ZNF407: variants seen among roughly 807,000 people sequenced by gnomAD.
ZNF407 encodes zinc finger protein 407.
Under a neutral mutation model 131.2 loss-of-function variants are expected in ZNF407, and 17 were observed. The ratio of observed to expected loss-of-function variants is 0.13; its 90% CI spans 0.09 to 0.19. ZNF407 has a LOEUF of 0.19. Among genes scored for constraint, ZNF407 ranks in the 10% least tolerant of loss-of-function variants. The pLI, the probability that ZNF407 is intolerant of heterozygous loss-of-function variation, is 1.00. For missense variants in ZNF407, 2,681 were observed against 2,830.6 expected (o/e 0.95, Z 1.20); for synonymous variants, 1,156 against 1,062.0 (o/e 1.09, Z -1.72).
At chr18:74,919,761 G>T (rs187966047) in intron 7 of ZNF407, among the ~76,000 whole-genome samples, 1 of 152,218 alleles carries the variant, frequency 6.6e-6, no homozygotes, top group South Asian at 2.1e-4. Context: ...ATCTGACAGG[G>T]ATGAAAGAGC....
chr18:74,984,212 G>C (rs1338056071), intron 8 of ZNF407, among the ~76,000 whole-genome samples: 1 of 152,112 alleles, frequency 6.6e-6, no homozygotes, highest in African/African-American at 2.4e-5. Flanking sequence ...GCCACTCCCA[G>C]CGAGCCTCGC....
intron 8 of ZNF407, among the ~76,000 whole-genome samples, chr18:74,967,664 C>T (rs541953628): frequency 2.6e-5 from 4 of 152,302 alleles, no homozygotes; most frequent in African/African-American, 9.6e-5. Context: ...TAACTCTCAC[C>T]TAATTTAACT....
At chr18:74,737,953 G>A (rs1968455749) in intron 3 of ZNF407, among the ~76,000 whole-genome samples, 1 of 152,076 alleles carries the variant, frequency 6.6e-6, no homozygotes, top group African/African-American at 2.4e-5. Flanking sequence ...AAAACATGAA[G>A]TTTATTTTAA....
intron 3 of ZNF407, among the ~76,000 whole-genome samples, chr18:74,658,501 C>T (rs1226844489): frequency 6.6e-6 from 1 of 152,188 alleles, no homozygotes; most frequent in East Asian, 1.9e-4. Context: ...GCAAATTTTA[C>T]AGGTTTAATG....
At position 74,817,358 on chromosome 18, in the gene ZNF407, G is replaced by A. The variant is rs116445537; in HGVS notation, c.4877+35856G>A. Among the ~76,000 whole-genome samples, 493 of 152,208 alleles carry A rather than the reference G, an allele frequency of 3.2e-3. 6 individuals carry two copies. Among genetic ancestry groups the A allele is most frequent in the African/African-American group, 0.011 (463 of 41,526 alleles). Reference sequence around the variant, plus strand: ...ATAATTACAATGTCTTTCTATCATAGTTCCTCTTGCTGAGATAAAGTTTAT... The same window carrying A: ...ATAATTACAATGTCTTTCTATCATAATTCCTCTTGCTGAGATAAAGTTTAT... On this transcript the variant is annotated intron_variant, in intron 4 of 8. Transcript: ENST00000299687.
At chr18:75,010,122 G>T (rs1972956535) in intron 8 of ZNF407, among the ~76,000 whole-genome samples, 1 of 152,184 alleles carries the variant, frequency 6.6e-6, no homozygotes, top group East Asian at 1.9e-4. Flanking sequence ...AATCACGCTA[G>T]TAGTCATCCA....
At chr18:74,616,513 A>C (rs2144629633) in intron 1 of ZNF407, among the ~76,000 whole-genome samples, 1 of 151,912 alleles carries the variant, frequency 6.6e-6, no homozygotes, top group African/African-American at 2.4e-5. Flanking sequence ...TGTAAGTCAC[A>C]TGTACAAAAC....
chr18:74,979,457 A>G (rs1039415050), intron 8 of ZNF407, among the ~76,000 whole-genome samples: 15 of 152,052 alleles, frequency 9.9e-5, no homozygotes, highest in Non-Finnish European at 1.8e-4. Flanking sequence ...ACGCCTGACT[A>G]ATTTTTGTAT....
intron 8 of ZNF407, among the ~76,000 whole-genome samples, chr18:75,019,963 C>A (rs1260903129): frequency 1.3e-5 from 2 of 152,132 alleles, no homozygotes; most frequent in East Asian, 3.9e-4. Context: ...CCTCCCCCAA[C>A]ATTGGGAATT....
chr18:74,664,244 A>G (rs1231111768), intron 3 of ZNF407, among the ~76,000 whole-genome samples: 3 of 152,216 alleles, frequency 2.0e-5, no homozygotes, highest in Non-Finnish European at 4.4e-5. Flanking sequence ...GCTCATGCCT[A>G]TAATCAGCAC....
intron 8 of ZNF407, among the ~76,000 whole-genome samples, chr18:75,059,053 G>C (rs2122284804): frequency 6.6e-6 from 1 of 152,348 alleles, no homozygotes; most frequent in South Asian, 2.1e-4. Flanking sequence ...CGCTGGGCCT[G>C]TGCGTGTGCG....
At position 74,964,391 on chromosome 18, in the gene ZNF407, G is replaced by A. The variant is rs1051099934; in HGVS notation, c.5428+43699G>A. Among the ~76,000 whole-genome samples, 43 of 152,248 alleles carry A rather than the reference G, an allele frequency of 2.8e-4. 1 individual carries two copies. Among genetic ancestry groups the A allele is most frequent in the African/African-American group, 8.7e-4 (36 of 41,546 alleles). On this transcript the variant is annotated intron_variant, in intron 8 of 8. Coordinates refer to ENST00000299687, the MANE Select transcript of ZNF407 (RefSeq NM_017757.3). ...GCCCTCTCAGGATTTGGGGTGGTTG[G>A]CAATAAAATCACTAAGCAAATGAAT...
intron 3 of ZNF407, among the ~76,000 whole-genome samples, chr18:74,665,711 G>A (rs909459213): frequency 6.6e-6 from 1 of 152,090 alleles, no homozygotes; most frequent in Admixed American, 6.5e-5. Context: ...AAAATAAACT[G>A]ACACCTGTGT....
intron 8 of ZNF407, among the ~76,000 whole-genome samples, chr18:75,011,070 G>A (rs948311683): frequency 6.6e-6 from 1 of 152,040 alleles, no homozygotes; most frequent in Admixed American, 6.6e-5. Flanking sequence ...GGAATTAGTG[G>A]GTTGAAAAGC....
chr18:74,891,961 T>G (rs1390479652), intron 7 of ZNF407, among the ~76,000 whole-genome samples: 2 of 152,184 alleles, frequency 1.3e-5, no homozygotes, highest in East Asian at 3.8e-4. Context: ...TCAATAATTA[T>G]TCTCCTATAT....
At chr18:74,757,660 T>C (rs1186542432) in intron 3 of ZNF407, among the ~76,000 whole-genome samples, 1 of 152,152 alleles carries the variant, frequency 6.6e-6, no homozygotes, top group Non-Finnish European at 1.5e-5. Flanking sequence ...TATTTCTAGT[T>C]GATGTACCTT....
intron 1 of ZNF407, among the ~76,000 whole-genome samples, chr18:74,601,078 G>A (rs1444003664): frequency 1.3e-5 from 2 of 152,182 alleles, no homozygotes; most frequent in Admixed American, 1.3e-4. Context: ...TTCGGGGATG[G>A]AGTAGGTGAG....
intron 1 of ZNF407, among the ~76,000 whole-genome samples, chr18:74,628,724 G>A (rs1983912749): frequency 6.6e-6 from 1 of 152,060 alleles, no homozygotes; most frequent in Admixed American, 6.6e-5. Flanking sequence ...TAGGACCACA[G>A]GCACTTGGCA....
At chr18:74,676,418 AG>A (rs1246552359) in intron 3 of ZNF407, among the ~76,000 whole-genome samples, 1 of 146,956 alleles carries the variant, frequency 6.8e-6, no homozygotes, top group African/African-American at 2.5e-5. Context: ...TTTGCCACCA[AG>A]AGAATGGGTG....
Sources: allele counts gnomAD v4.1 joint callset (sites outside exome capture counted in the v4.1 genomes callset), GRCh38; gene constraint gnomAD v4.1.1; transcripts MANE v1.5; gene names NCBI Gene and HGNC (gene_info 2026-07-23, HGNC 2026-07-21).